DLG2: variants seen among roughly 807,000 people sequenced by gnomAD.
DLG2 encodes discs large MAGUK scaffold protein 2.
In DLG2, 45 loss-of-function variants were observed where a neutral mutation model predicts 132.5. The ratio of observed to expected loss-of-function variants is 0.34; its 90% CI spans 0.27 to 0.44. The LOEUF is 0.44. DLG2 is among the 20% of genes least tolerant of loss of function. DLG2 has a pLI of 1.00. For synonymous variants in DLG2, 424 were observed against 419.6 expected (o/e 1.01, Z -0.13); for missense variants, 1,045 against 1,196.9 (o/e 0.87, Z 1.87).
At chr11:84,521,945 G>A (rs529186335) in intron 7 of DLG2, among the ~76,000 whole-genome samples, 5 of 152,164 alleles carry the variant, frequency 3.3e-5, no homozygotes, top group Non-Finnish European at 7.4e-5. Context: ...CAGATCACCT[G>A]AGGTCAGGAG....
chr11:83,678,591 G>A (rs148506084), intron 18 of DLG2, among the ~76,000 whole-genome samples: 1 of 152,224 alleles, frequency 6.6e-6, no homozygotes, highest in Non-Finnish European at 1.5e-5. Flanking sequence ...AACGGGTTGG[G>A]GAGGCACATC....
At chr11:85,523,463 A>C (rs1250023769) in intron 3 of DLG2, among the ~76,000 whole-genome samples, 4 of 152,228 alleles carry the variant, frequency 2.6e-5, no homozygotes. Flanking sequence ...ACAAATAGGC[A>C]AACAAGTACA....
At chr11:83,722,196 A>G (rs1349041739) in intron 18 of DLG2, among the ~76,000 whole-genome samples, 2 of 152,126 alleles carry the variant, frequency 1.3e-5, no homozygotes, top group Non-Finnish European at 2.9e-5. Flanking sequence ...AAAAAACTGG[A>G]AAGTTTATGG....
chr11:85,518,618 C>A (rs553964868), intron 3 of DLG2, among the ~76,000 whole-genome samples: 37 of 152,266 alleles, frequency 2.4e-4, no homozygotes, highest in African/African-American at 8.9e-4. Flanking sequence ...AAAAGAAAAA[C>A]CCATTTTCTG....
At chr11:84,172,115 CTTAT>C (rs2095838431) in intron 8 of DLG2, among the ~76,000 whole-genome samples, 1 of 152,146 alleles carries the variant, frequency 6.6e-6, no homozygotes, top group African/African-American at 2.4e-5. Context: ...GTCAAAATTA[CTTAT>C]TTAAACACTT....
intron 18 of DLG2, among the ~76,000 whole-genome samples, chr11:83,669,513 C>T (rs1370306825): frequency 6.6e-6 from 1 of 152,048 alleles, no homozygotes; most frequent in African/African-American, 2.4e-5. Context: ...AGAATACAAC[C>T]CTCTTATAAA....
chr11:85,302,443 G>A (rs913937428), intron 3 of DLG2, among the ~76,000 whole-genome samples: 16 of 152,122 alleles, frequency 1.1e-4, no homozygotes, highest in Admixed American at 2.6e-4. Flanking sequence ...GGAAGTGTCA[G>A]AATGCCTGCT....
At chr11:85,474,887 C>A (rs918952255) in intron 3 of DLG2, among the ~76,000 whole-genome samples, 3 of 151,450 alleles carry the variant, frequency 2.0e-5, no homozygotes, top group African/African-American at 7.2e-5. Context: ...TTATATCTTT[C>A]AATGCTTACA....
At chr11:84,076,949 C>T (rs932133373) in intron 10 of DLG2, among the ~76,000 whole-genome samples, 1 of 152,180 alleles carries the variant, frequency 6.6e-6, no homozygotes, top group African/African-American at 2.4e-5. Context: ...CCTTTCTATT[C>T]CTATTACAGT....
chr11:84,442,887 A>G (rs1173319204), intron 7 of DLG2, among the ~76,000 whole-genome samples: 1 of 152,208 alleles, frequency 6.6e-6, no homozygotes, highest in East Asian at 1.9e-4. Flanking sequence ...AGCAAAGCAA[A>G]GGAATAGCTA....
chr11:84,732,626 G>C (rs1441906266), intron 6 of DLG2, among the ~76,000 whole-genome samples: 2 of 151,264 alleles, frequency 1.3e-5, no homozygotes, highest in Non-Finnish European at 3.0e-5. Flanking sequence ...TAAGTTTTGA[G>C]AGTTTTATGT....
intron 21 of DLG2, among the ~76,000 whole-genome samples, chr11:83,507,796 ATATG>A (rs768281388): frequency 3.5e-5 from 4 of 114,938 alleles, no homozygotes; most frequent in South Asian, 2.6e-4. Context: ...ATATATATAT[ATATG>A]TATATATGAG....
intron 5 of DLG2, among the ~76,000 whole-genome samples, chr11:85,114,932 G>A (rs923853969): frequency 5.3e-5 from 8 of 151,834 alleles, no homozygotes; most frequent in African/African-American, 1.7e-4. Context: ...AGAAAAAGTT[G>A]TGTGTGGCAG....
chr11:84,190,389 G>T (rs758397818), intron 8 of DLG2, among the ~76,000 whole-genome samples: 16 of 152,102 alleles, frequency 1.1e-4, no homozygotes, highest in South Asian at 4.1e-4. Context: ...GAACCTCAAG[G>T]TTACAAAGTT....
intron 18 of DLG2, among the ~76,000 whole-genome samples, chr11:83,635,579 A>ATG: frequency 6.6e-6 from 1 of 152,212 alleles, no homozygotes; most frequent in African/African-American, 2.4e-5. Context: ...CCGGATATGT[A>ATG]TGTGTGTGTT....
At chr11:85,459,085 A>T (rs2092517323) in intron 3 of DLG2, among the ~76,000 whole-genome samples, 1 of 152,156 alleles carries the variant, frequency 6.6e-6, no homozygotes, top group Non-Finnish European at 1.5e-5. Flanking sequence ...AGGGAGACAG[A>T]CTGGCCTCTT....
intron 8 of DLG2, among the ~76,000 whole-genome samples, chr11:84,211,680 G>T (rs184822144): frequency 6.6e-6 from 1 of 152,068 alleles, no homozygotes; most frequent in Admixed American, 6.6e-5. Flanking sequence ...TTTAATTCAA[G>T]ATAAAATAGA....
In DLG2 at chr11:85,226,305, T is replaced by C. The variant is rs538387174; in HGVS notation, c.186+58915A>G. Among the ~76,000 whole-genome samples, 6 of 152,128 alleles carry C rather than the reference T, an allele frequency of 3.9e-5. No individual in the cohort carries two copies. In the South Asian group the frequency reaches 8.3e-4, roughly 21 times the overall value. On this transcript the variant is annotated intron_variant, in intron 4 of 27. Coordinates refer to ENST00000376104, the MANE Select transcript of DLG2 (RefSeq NM_001142699.3). ...ATAGATGGATGCATGGATGGATAGATAAATGTAAAAAATAGGGAGAAAGCT... is the reference window on the plus strand; with the variant it reads ...ATAGATGGATGCATGGATGGATAGACAAATGTAAAAAATAGGGAGAAAGCT...
chr11:83,699,526 C>G (rs1016393110), intron 18 of DLG2, among the ~76,000 whole-genome samples: 1 of 149,326 alleles, frequency 6.7e-6, no homozygotes, highest in Non-Finnish European at 1.5e-5. Context: ...GAAGCCCCGT[C>G]TCTACTAAAA....
Sources: gnomAD v4.1 joint callset for allele counts (sites outside exome capture counted in the v4.1 genomes callset) on GRCh38, gnomAD v4.1.1 for gene constraint, MANE v1.5 for transcripts, NCBI Gene and HGNC (gene_info 2026-07-23, HGNC 2026-07-21) for gene names.